The following BACH1 variants were observed in gnomAD, a reference collection of about 807,000 sequenced individuals.
BACH1 encodes BTB domain and CNC homolog 1.
Under a neutral mutation model 52.9 loss-of-function variants are expected in BACH1, and 35 were observed. The ratio of observed to expected loss-of-function variants is 0.66; its 90% CI spans 0.51 to 0.88. The LOEUF is 0.88. Among genes scored for constraint, BACH1 ranks in the 40% least tolerant of loss-of-function variants. The pLI is 0.00. For missense variants in BACH1, 808 were observed against 872.6 expected (o/e 0.93, Z 0.93); for synonymous variants, 321 against 319.6 (o/e 1.00, Z -0.05).
At chr21:29,300,503 A>G (rs2088591414) in intron 1 of BACH1, among the ~76,000 whole-genome samples, 1 of 152,216 alleles carries the variant, frequency 6.6e-6, no homozygotes, top group Non-Finnish European at 1.5e-5. Context: ...ACTCTTAGGC[A>G]GTGGCCAATA....
intron 1 of BACH1, among the ~76,000 whole-genome samples, chr21:29,310,088 G>T (rs914318774): frequency 2.6e-5 from 4 of 151,848 alleles, no homozygotes; most frequent in Non-Finnish European, 4.4e-5. Flanking sequence ...GTAATTTATT[G>T]TGAAGAATCT....
chr21:29,356,774 A>G (rs980672260), intron 2 of BACH1, among the ~76,000 whole-genome samples: 2 of 152,286 alleles, frequency 1.3e-5, no homozygotes, highest in East Asian at 1.9e-4. Context: ...GAAGACCTTC[A>G]ATTATCAATT....
intron 1 of BACH1, among the ~76,000 whole-genome samples, chr21:29,301,531 T>C (rs2088603774): frequency 6.6e-6 from 1 of 152,234 alleles, no homozygotes. Context: ...CTTTAGAAGC[T>C]TGAGTGTAAA....
intron 1 of BACH1, among the ~76,000 whole-genome samples, chr21:29,318,511 C>G (rs529295192): frequency 6.6e-6 from 1 of 152,354 alleles, no homozygotes; most frequent in South Asian, 2.1e-4. Context: ...CTCTCAGCTG[C>G]AGCTGACAGG....
chr21:29,327,889 A>C (rs955059890), intron 3 of BACH1, among the ~76,000 whole-genome samples: 1 of 152,240 alleles, frequency 6.6e-6, no homozygotes, highest in Non-Finnish European at 1.5e-5. Context: ...ACTTCTGTTC[A>C]TTCGTTTCCA....
At chr21:29,355,055 G>C (rs1161680598) in intron 2 of BACH1, among the ~76,000 whole-genome samples, 3 of 152,216 alleles carry the variant, frequency 2.0e-5, no homozygotes, top group Non-Finnish European at 4.4e-5. Context: ...CAGCATGGAA[G>C]GGGACCGGAG....
intron 4 of BACH1, among the ~76,000 whole-genome samples, chr21:29,337,052 TG>T (rs1165736579): frequency 6.6e-6 from 1 of 152,212 alleles, no homozygotes; most frequent in Non-Finnish European, 1.5e-5. Context: ...TGATTCAATT[TG>T]TTAGGATAAG....
In BACH1 at chr21:29,314,289, G is replaced by A. The variant is rs185863944; in HGVS notation, c.-60-6932G>A. ...AGTATTTACTTCCAAGCTCTTCTAA[G>A]CTTATGACCTGGAATTATCAAAGTT... On this transcript the variant is annotated intron_variant, in intron 1 of 4. Coordinates refer to ENST00000286800, the MANE Select transcript of BACH1 (RefSeq NM_001186.4). Among the ~76,000 whole-genome samples the A allele has an allele frequency of 4.8e-3, 724 of 152,212 alleles. 1 individual carries two copies. Among genetic ancestry groups the A allele is most frequent in the Non-Finnish European group, 7.7e-3 (521 of 68,000 alleles).
chr21:29,351,938 A>G (rs2089204663), intron 2 of BACH1: 1 of 330,938 alleles, frequency 3.0e-6, no homozygotes, highest in South Asian at 2.5e-5. Context: ...TTAAGGACTA[A>G]AAGAATTGCA....
At chr21:29,305,322 T>C (rs2088644204) in intron 1 of BACH1, 1 of 152,146 alleles carries the variant, frequency 6.6e-6, no homozygotes, top group Non-Finnish European at 1.5e-5. Flanking sequence ...GGGATGAGCA[T>C]GTAATTACGA....
chr21:29,314,912 A>G lies in BACH1; in HGVS notation c.-60-6309A>G, dbSNP rs1371224421. On this transcript the variant is annotated intron_variant, in intron 1 of 4. Transcript: ENST00000286800. Reference sequence around the variant, plus strand: ...TTAAGCCTGTAAACGGTTAAAGAAAATAACAGCTTGGTCATGGAGTTACTC... The same window carrying G: ...TTAAGCCTGTAAACGGTTAAAGAAAGTAACAGCTTGGTCATGGAGTTACTC... Among the ~76,000 whole-genome samples, 5 of 152,220 alleles carry G rather than the reference A, an allele frequency of 3.3e-5. No individual in the cohort carries two copies. The South Asian group carries it at 8.3e-4, about 25-fold the overall frequency.
chr21:29,306,769 T>A (rs544401742), intron 1 of BACH1, among the ~76,000 whole-genome samples: 3 of 152,358 alleles, frequency 2.0e-5, no homozygotes, highest in African/African-American at 7.2e-5. Flanking sequence ...TTTGGAATTT[T>A]AGGTGACTTT....
intron 1 of BACH1, among the ~76,000 whole-genome samples, chr21:29,313,706 GAAGT>G (rs1183575475): frequency 1.3e-5 from 2 of 152,130 alleles, no homozygotes; most frequent in South Asian, 2.1e-4. Context: ...AAAGAAACCC[GAAGT>G]AAGAGTACAT....
At chr21:29,357,752 C>CT (rs1320500237) in intron 2 of BACH1, among the ~76,000 whole-genome samples, 1 of 152,200 alleles carries the variant, frequency 6.6e-6, no homozygotes, top group African/African-American at 2.4e-5. Context: ...TCCTTGCTCT[C>CT]TCTGTGATGC....
At chr21:29,338,061 T>TAAAA (rs201712225) in intron 4 of BACH1, among the ~76,000 whole-genome samples, 3,539 of 152,252 alleles carry the variant, frequency 0.023, 120 homozygotes, top group African/African-American at 0.081. Context: ...TAAAGTATAA[T>TAAAA]ATAAATAAAC....
intron 4 of BACH1, among the ~76,000 whole-genome samples, chr21:29,342,088 A>G (rs189590835): frequency 2.0e-5 from 3 of 152,298 alleles, no homozygotes; most frequent in Admixed American, 6.5e-5. Context: ...TGCTATTTTA[A>G]TGTTTACCTA....
intron 2 of BACH1, among the ~76,000 whole-genome samples, chr21:29,355,865 T>A (rs1023339249): frequency 3.3e-5 from 5 of 152,188 alleles, no homozygotes; most frequent in Admixed American, 3.3e-4. Flanking sequence ...TCAGAAGCCT[T>A]TTCCTGTAAG....
At chr21:29,352,545 T>G (rs1173556045) in intron 2 of BACH1, 1 of 152,176 alleles carries the variant, frequency 6.6e-6, no homozygotes, top group Non-Finnish European at 1.5e-5. Context: ...ATTCACCGCA[T>G]TGAATGCCTT....
At chr21:29,315,634 A>G (rs766832935) in intron 1 of BACH1, among the ~76,000 whole-genome samples, 7 of 152,194 alleles carry the variant, frequency 4.6e-5, no homozygotes, top group Non-Finnish European at 7.3e-5. Flanking sequence ...CCACACACAC[A>G]CACACCCTTG....
Sources: gnomAD v4.1 joint callset for allele counts (sites outside exome capture counted in the v4.1 genomes callset) on GRCh38, gnomAD v4.1.1 for gene constraint, MANE v1.5 for transcripts, NCBI Gene and HGNC (gene_info 2026-07-23, HGNC 2026-07-21) for gene names.